ZNF141: variants seen among roughly 807,000 people sequenced by gnomAD.
ZNF141 encodes the protein zinc finger protein 141 (clone pHZ-44).
ZNF141 carries 7 observed loss-of-function variants against 11.3 expected under a neutral mutation model. The ratio of observed to expected loss-of-function variants is 0.62; its 90% CI spans 0.35 to 1.16. ZNF141 has a LOEUF of 1.16. Among genes scored for constraint, ZNF141 ranks in the 50% most tolerant of loss-of-function variants. ZNF141 has a pLI of 0.02. For synonymous variants in ZNF141, 183 were observed against 190.7 expected (o/e 0.96, Z 0.33); for missense variants, 535 against 554.0 (o/e 0.97, Z 0.34).
chr4:361,302 A>G (rs1722097142), intron 3 of ZNF141, among the ~76,000 whole-genome samples: 1 of 131,302 alleles, frequency 7.6e-6, no homozygotes, highest in Non-Finnish European at 1.6e-5. Flanking sequence ...TATCACTATA[A>G]TTATATAATG....
In ZNF141 at chr4:382,507, A is replaced by G. The variant is rs1390395066; in HGVS notation, c.*8645A>G. 1 of 152,228 alleles carries G rather than the reference A, an allele frequency of 6.6e-6. No homozygotes were observed. Among genetic ancestry groups the G allele is most frequent in the African/African-American group, 2.4e-5 (1 of 41,460 alleles). The allele number at this position is 152,228 out of a possible 1,614,324, so 9.4% of individuals were successfully genotyped here. A position where few individuals can be genotyped will look rare whatever the true frequency, so the allele number is the denominator to read the frequency against. On this transcript the variant is annotated 3_prime_UTR_variant, in exon 4 of 4. Transcript: ENST00000240499. ...CAAAAAATGCAAAGAATTTGTAGGT[A>G]TGATTAGTGCATTATAGGTGTTTTC...
In ZNF141 at chr4:380,094, C is replaced by G. The variant is rs1712544688; in HGVS notation, c.*6232C>G. On this transcript the variant is annotated 3_prime_UTR_variant, in exon 4 of 4. Transcript: ENST00000240499. ...CAAGCATCTGGTAACCAGCATTCTA[C>G]TCTCTGGCTTATTTCACTTAGCATA... Among the ~76,000 whole-genome samples, 1 of 152,228 alleles carries G rather than the reference C, an allele frequency of 6.6e-6. No individual in the cohort carries two copies. Among genetic ancestry groups the G allele is most frequent in the African/African-American group, 2.4e-5 (1 of 41,458 alleles).
At chr4:363,512 T>G (rs892972224) in intron 3 of ZNF141, among the ~76,000 whole-genome samples, 1 of 152,102 alleles carries the variant, frequency 6.6e-6, no homozygotes, top group South Asian at 2.1e-4. Flanking sequence ...ATCCTAGCAC[T>G]TTGGGAGGCC....
At chr4:358,363 T>C (rs1721948852) in intron 3 of ZNF141, 1 of 326,626 alleles carries the variant, frequency 3.1e-6, no homozygotes, top group Non-Finnish European at 5.9e-6. Context: ...TTTTTATATT[T>C]TTAGTAGAGA....
At chr4:351,265 G>A (rs1183009593) in intron 3 of ZNF141, among the ~76,000 whole-genome samples, 2 of 147,494 alleles carry the variant, frequency 1.4e-5, no homozygotes, top group Admixed American at 6.8e-5. Context: ...ACAGAGTCTC[G>A]CTCTGCCACT....
intron 3 of ZNF141, among the ~76,000 whole-genome samples, chr4:367,031 A>G (rs1711776741): frequency 6.6e-6 from 1 of 152,242 alleles, no homozygotes; most frequent in African/African-American, 2.4e-5. Flanking sequence ...AAGAAACTCA[A>G]CGAATTAGGT....
At chr4:342,517 T>A (rs1721098694) in intron 1 of ZNF141, among the ~76,000 whole-genome samples, 2 of 152,224 alleles carry the variant, frequency 1.3e-5, no homozygotes, top group Admixed American at 1.3e-4. Flanking sequence ...AACAGGAGAC[T>A]TGCTGTAAAA....
chr4:347,013 G>A (rs1250062076), intron 3 of ZNF141, among the ~76,000 whole-genome samples: 1 of 150,788 alleles, frequency 6.6e-6, no homozygotes, highest in East Asian at 1.9e-4. Flanking sequence ...GGTATTGCTG[G>A]ATTATATGAT....
intron 3 of ZNF141, among the ~76,000 whole-genome samples, chr4:366,256 A>G (rs1711735587): frequency 3.3e-5 from 5 of 152,142 alleles, no homozygotes; most frequent in Admixed American, 3.3e-4. Flanking sequence ...TTTTCAATTC[A>G]TGAGGAAAAA....
Position 347,947 on chromosome 4 carries a change from C to T in ZNF141, c.226+3517C>T, listed in dbSNP as rs545536825. Among the ~76,000 whole-genome samples the T allele has an allele frequency of 7.9e-5, 12 of 151,446 alleles. No individual in the cohort carries two copies. The East Asian group carries it at 1.8e-3, about 22-fold the overall frequency. ...GCAACCTCTGTCTCTCGGGTTCAAG[C>T]GATTCTCCTGCCTCAGCCTCCCGAG... On this transcript the variant is annotated intron_variant, in intron 3 of 3. Transcript: ENST00000240499.
At chr4:344,028 G>A in intron 2 of ZNF141, 120 bp downstream of exon 2, 1 of 1,366,426 alleles carries the variant, frequency 7.3e-7, no homozygotes, top group Non-Finnish European at 9.8e-7. Context: ...CTTTTCTTGA[G>A]CTAATTTGAG....
At chr4:368,328 A>G (rs1553853145) in intron 3 of ZNF141, among the ~76,000 whole-genome samples, 1 of 151,908 alleles carries the variant, frequency 6.6e-6, no homozygotes, top group African/African-American at 2.4e-5. Flanking sequence ...TGCAACCTCC[A>G]CGTCCCAGGT....
At position 343,912 on chromosome 4, in the gene ZNF141, A is replaced by C; in HGVS notation, c.130+4A>C. 1 of 1,591,450 alleles carries C rather than the reference A, an allele frequency of 6.3e-7. No homozygotes were observed. The highest frequency in any genetic ancestry group is 8.5e-7 in the Non-Finnish European group (1 of 1,174,720). On this transcript the variant is annotated splice_donor_region_variant and intron_variant, in intron 2 of 3. Transcript: ENST00000240499. Reference sequence around the variant, plus strand: ...TACAGGAACCTGGTCTCCCTGGGTGAGGATAACTTCAATACATAATTCCTA... The same window carrying C: ...TACAGGAACCTGGTCTCCCTGGGTGCGGATAACTTCAATACATAATTCCTA...
At position 374,850 on chromosome 4, in the gene ZNF141, A is replaced by G. The variant is rs1712286310; in HGVS notation, c.*988A>G. On this transcript the variant is annotated 3_prime_UTR_variant, in exon 4 of 4. Coordinates refer to ENST00000240499, the MANE Select transcript of ZNF141 (RefSeq NM_003441.4). Reference sequence around the variant, plus strand: ...ATAAGATAATTCACACTGAAGAGAAACTGCAAACGTGGAAAGTGTGACAAA... The same window carrying G: ...ATAAGATAATTCACACTGAAGAGAAGCTGCAAACGTGGAAAGTGTGACAAA... The G allele has an allele frequency of 6.5e-6, 1 of 152,742 alleles. No homozygotes were observed. The highest frequency in any genetic ancestry group is 1.5e-5 in the Non-Finnish European group (1 of 68,070). 9.5% of individuals were successfully genotyped at this position (152,742 alleles called of 1,614,324 possible).
At chr4:348,968 A>G (rs1553850040) in intron 3 of ZNF141, among the ~76,000 whole-genome samples, 1 of 152,024 alleles carries the variant, frequency 6.6e-6, no homozygotes, top group African/African-American at 2.4e-5. Flanking sequence ...ATTTGTTTCT[A>G]CTTCACTTTC....
chr4:350,082 C>G (rs1721520558), intron 3 of ZNF141: 1 of 516,274 alleles, frequency 1.9e-6, no homozygotes, highest in Non-Finnish European at 4.0e-6. Flanking sequence ...CCCTGCAGGT[C>G]TCTTGATGGG....
At position 384,737 on chromosome 4, in the gene ZNF141, C is replaced by G. The variant is rs1360917120; in HGVS notation, c.*10875C>G. On this transcript the variant is annotated 3_prime_UTR_variant, in exon 4 of 4. Transcript: ENST00000240499. ...TTTACCCCTCCCATTTGGGCAGAAC[C>G]CACAGAAGACTTCCTCGTTCTTGCC... 3 of 152,222 alleles carry G rather than the reference C, an allele frequency of 2.0e-5. No homozygotes were observed. The highest frequency in any genetic ancestry group is 7.2e-5 in the African/African-American group (3 of 41,430). The allele number at this position is 152,222 out of a possible 1,614,324, so 9.4% of individuals were successfully genotyped here.
intron 1 of ZNF141, among the ~76,000 whole-genome samples, chr4:340,234 A>G (rs1420648823): frequency 6.6e-6 from 1 of 152,266 alleles, no homozygotes; most frequent in Non-Finnish European, 1.5e-5. Context: ...CTTCTTTCTC[A>G]GGATTCCAGT....
At chr4:370,040 C>T (rs904489284) in intron 3 of ZNF141, among the ~76,000 whole-genome samples, 2 of 151,880 alleles carry the variant, frequency 1.3e-5, no homozygotes, top group East Asian at 3.9e-4. Context: ...GCTGGGATCA[C>T]AGGCATGAGC....
Sources: allele counts gnomAD v4.1 joint callset (sites outside exome capture counted in the v4.1 genomes callset), GRCh38; gene constraint gnomAD v4.1.1; transcripts MANE v1.5; gene names NCBI Gene and HGNC (gene_info 2026-07-23, HGNC 2026-07-21).